LPIN2: variants seen among roughly 807,000 people sequenced by gnomAD.
LPIN2 encodes lipin 2.
In LPIN2, 55 loss-of-function variants were observed where a neutral mutation model predicts 111.4. The observed-to-expected ratio is 0.49, with a 90% confidence interval of 0.40 to 0.62. The LOEUF (loss-of-function observed/expected upper bound fraction) is 0.62. Among genes scored for constraint, LPIN2 ranks in the 20% least tolerant of loss-of-function variants. The pLI is 0.00. For synonymous variants in LPIN2, 425 were observed against 414.0 expected (o/e 1.03, Z -0.32); for missense variants, 992 against 1,112.1 (o/e 0.89, Z 1.54).
rs1159895446 is a variant in LPIN2, at chr18:2,943,741, C to G, written c.591-3029G>C. ...TCTCCCAGTATCAGATGTTTATGTACTCCATGTGGGTCCAACTTTCACTGC... is the reference window on the plus strand; with the variant it reads ...TCTCCCAGTATCAGATGTTTATGTAGTCCATGTGGGTCCAACTTTCACTGC... On this transcript the variant is annotated intron_variant, in intron 4 of 19. Coordinates refer to ENST00000677752, the MANE Select transcript of LPIN2 (RefSeq NM_001375808.2). 2.0e-5 allele frequency among the ~76,000 whole-genome samples: 3 copies of G among 152,106 alleles called. No individual in the cohort carries two copies. The East Asian group carries it at 5.8e-4, about 29-fold the overall frequency.
intron 1 of LPIN2, among the ~76,000 whole-genome samples, chr18:2,999,485 G>C (rs1181201048): frequency 6.6e-6 from 1 of 151,962 alleles, no homozygotes; most frequent in African/African-American, 2.4e-5. Flanking sequence ...GGCGCCTGTA[G>C]TCCCAGCTAC....
intron 4 of LPIN2, among the ~76,000 whole-genome samples, chr18:2,941,374 A>C (rs1355353754): frequency 6.6e-6 from 1 of 152,212 alleles, no homozygotes; most frequent in African/African-American, 2.4e-5. Context: ...AATGCTTTTA[A>C]GATTCATAAA....
At chr18:2,970,754 A>AT (rs1238485409) in intron 1 of LPIN2, among the ~76,000 whole-genome samples, 7 of 152,188 alleles carry the variant, frequency 4.6e-5, no homozygotes, top group African/African-American at 1.7e-4. Flanking sequence ...AAAATTTTTA[A>AT]TTTTTTAAAA....
intron 4 of LPIN2, chr18:2,946,041 C>T: frequency 7.1e-7 from 1 of 1,410,434 alleles, no homozygotes; most frequent in Non-Finnish European, 1.0e-6. Context: ...TCTCTAGACC[C>T]CGATATGTCT....
intron 1 of LPIN2, among the ~76,000 whole-genome samples, chr18:3,000,573 C>T (rs1042885994): frequency 5.9e-5 from 9 of 152,240 alleles, no homozygotes; most frequent in Admixed American, 1.3e-4. Flanking sequence ...ATCAGATGTA[C>T]GGCACGTAGT....
At chr18:2,996,373 G>C (rs894746001) in intron 1 of LPIN2, among the ~76,000 whole-genome samples, 1 of 150,864 alleles carries the variant, frequency 6.6e-6, no homozygotes, top group South Asian at 2.1e-4. Flanking sequence ...CTTTTATAAT[G>C]TCCATCAATT....
Position 2,920,268 on chromosome 18 carries a change from C to G in LPIN2, c.*25G>C, listed in dbSNP as rs2077033075. The G allele has an allele frequency of 1.2e-6, 2 of 1,613,784 alleles. No individual in the cohort carries two copies. The highest frequency in any genetic ancestry group is 2.2e-5 in the South Asian group (2 of 91,080). The stretch of plus-strand genomic sequence containing the variant: ...CTTGCTGTGGGGAGGGGGACCAAGC[C>G]CTGCCCACCCACTGAGGTGCCGCCT... On this transcript the variant is annotated 3_prime_UTR_variant, in exon 20 of 20. Coordinates refer to ENST00000677752, the MANE Select transcript of LPIN2 (RefSeq NM_001375808.2).
intron 1 of LPIN2, among the ~76,000 whole-genome samples, chr18:2,972,656 A>T (rs753103610): frequency 5.3e-5 from 8 of 152,232 alleles, no homozygotes; most frequent in Non-Finnish European, 1.2e-4. Flanking sequence ...TGTGTGGCTT[A>T]AGGAGATCCT....
Position 2,926,810 on chromosome 18 carries a change from A to C in LPIN2, c.1711-5T>G. On this transcript the variant is annotated splice_region_variant and splice_polypyrimidine_tract_variant and intron_variant, in intron 12 of 19. Transcript: ENST00000677752. The stretch of plus-strand genomic sequence containing the variant: ...TCCCTCCTTGGATTCTGGCAGCTGT[A>C]ACAGCAAGATGATAATGGCAACATG... 1 of 1,612,936 alleles carries C rather than the reference A, an allele frequency of 6.2e-7. No homozygotes were observed. Among genetic ancestry groups the C allele is most frequent in the South Asian group, 1.1e-5 (1 of 91,018 alleles).
rs1555672496 is a variant in LPIN2 at position 2,923,448 on chromosome 18, AAT to A, written c.2174+325_2174+326del. Among the ~76,000 whole-genome samples the A allele has an allele frequency of 2.1e-4, 32 of 149,498 alleles. 1 individual carries two copies. The highest frequency in any genetic ancestry group is 7.3e-4 in the African/African-American group (29 of 39,562). ...AAAAAAAAAAAAAAAAAAAAAAAAAAATTTAAAATACCCAGAAAATAAACCAA... is the reference window on the plus strand; with the variant it reads ...AAAAAAAAAAAAAAAAAAAAAAAAAATTAAAATACCCAGAAAATAAACCAA... On this transcript the variant is annotated intron_variant, in intron 16 of 19. Coordinates refer to ENST00000677752, the MANE Select transcript of LPIN2 (RefSeq NM_001375808.2).
intron 16 of LPIN2, among the ~76,000 whole-genome samples, chr18:2,923,095 C>T (rs964704390): frequency 1.3e-5 from 2 of 152,140 alleles, no homozygotes; most frequent in Non-Finnish European, 2.9e-5. Context: ...AACTATTTCC[C>T]TCATGCATGC....
chr18:2,919,723 G>C lies in LPIN2; in HGVS notation c.*570C>G, dbSNP rs894164567. On this transcript the variant is annotated 3_prime_UTR_variant, in exon 20 of 20. Coordinates refer to ENST00000677752, the MANE Select transcript of LPIN2 (RefSeq NM_001375808.2). Reference sequence around the variant, plus strand: ...CTGGGCTCAGTGGCTCTGGTGCATGGGCCCTGCAGGGGCGGGGGTCCTGCC... The same window carrying C: ...CTGGGCTCAGTGGCTCTGGTGCATGCGCCCTGCAGGGGCGGGGGTCCTGCC... 5.8e-6 allele frequency: 1 copy of C among 172,748 alleles called. No individual in the cohort carries two copies. Among genetic ancestry groups the C allele is most frequent in the Non-Finnish European group, 1.3e-5 (1 of 79,396 alleles). 10.7% of individuals were successfully genotyped at this position (172,748 alleles called of 1,614,324 possible).
chr18:2,985,541 A>C (rs887883721), intron 1 of LPIN2: 10 of 152,210 alleles, frequency 6.6e-5, no homozygotes, highest in Non-Finnish European at 1.3e-4. Flanking sequence ...CAAAGCTAAA[A>C]TGCTAGTTAG....
intron 4 of LPIN2, among the ~76,000 whole-genome samples, chr18:2,944,204 C>A (rs1236643508): frequency 6.6e-6 from 1 of 150,822 alleles, no homozygotes; most frequent in African/African-American, 2.4e-5. Flanking sequence ...CACTGTATCA[C>A]TAGAATTGTG....
intron 7 of LPIN2, among the ~76,000 whole-genome samples, chr18:2,936,350 C>T (rs777476718): frequency 2.6e-5 from 4 of 152,182 alleles, no homozygotes; most frequent in South Asian, 2.1e-4. Context: ...TACCAAGTAT[C>T]GATGGTTGGC....
intron 1 of LPIN2, among the ~76,000 whole-genome samples, chr18:2,986,547 T>TAAA (rs1555606339): frequency 2.2e-5 from 3 of 135,044 alleles, no homozygotes; most frequent in Admixed American, 7.8e-5. Flanking sequence ...TTTTTTAATG[T>TAAA]AAAAAAAAAA....
chr18:2,990,623 T>TA (rs1385263763), intron 1 of LPIN2: 1 of 181,474 alleles, frequency 5.5e-6, no homozygotes, highest in African/African-American at 2.4e-5. Context: ...TAGTTTCTGT[T>TA]AAAAAGGAAG....
intron 1 of LPIN2, among the ~76,000 whole-genome samples, chr18:2,963,675 C>T (rs1406887509): frequency 6.6e-6 from 1 of 151,820 alleles, no homozygotes; most frequent in Non-Finnish European, 1.5e-5. Context: ...GAAAGGCAGG[C>T]TCATTTGGAG....
intron 1 of LPIN2, among the ~76,000 whole-genome samples, chr18:3,012,238 T>C (rs1383027839): frequency 1.3e-5 from 2 of 152,262 alleles, no homozygotes; most frequent in Admixed American, 6.5e-5. Context: ...TTTGGCCATT[T>C]ACTAAGTAGT....
Sources: allele counts gnomAD v4.1 joint callset (sites outside exome capture counted in the v4.1 genomes callset), GRCh38; gene constraint gnomAD v4.1.1; transcripts MANE v1.5; gene names NCBI Gene and HGNC (gene_info 2026-07-23, HGNC 2026-07-21).